The following NRG3 variants were observed in gnomAD, a reference collection of about 807,000 sequenced individuals.
The protein encoded by NRG3 is neuregulin 3, also known as pro-neuregulin-3, membrane-bound isoform.
In NRG3, 31 loss-of-function variants were observed where a neutral mutation model predicts 66.9. That is an observed-to-expected ratio of 0.46 (90% CI 0.35 to 0.63). NRG3 has a LOEUF of 0.63. Among genes scored for constraint, NRG3 ranks in the 20% least tolerant of loss-of-function variants. NRG3 has a pLI of 0.00. For synonymous variants in NRG3, 393 were observed against 359.4 expected (o/e 1.09, Z -1.06); for missense variants, 910 against 878.9 (o/e 1.04, Z -0.45).
chr10:82,131,986 A>T (rs2068857014), intron 1 of NRG3, among the ~76,000 whole-genome samples: 1 of 152,088 alleles, frequency 6.6e-6, no homozygotes, highest in African/African-American at 2.4e-5. Flanking sequence ...GCAAGCAAGG[A>T]TAATTTGATC....
intron 4 of NRG3, among the ~76,000 whole-genome samples, chr10:82,905,976 T>G (rs1844700971): frequency 6.6e-6 from 1 of 152,180 alleles, no homozygotes; most frequent in African/African-American, 2.4e-5. Flanking sequence ...CCATGTCATA[T>G]GTCAATCTAG....
chr10:82,077,941 T>G (rs1278191287), intron 1 of NRG3, among the ~76,000 whole-genome samples: 1 of 152,098 alleles, frequency 6.6e-6, no homozygotes, highest in Non-Finnish European at 1.5e-5. Flanking sequence ...TTCAGTTTCT[T>G]TAGGCGGCTT....
In NRG3 at chr10:82,572,855, A is replaced by G. The variant is rs184462727; in HGVS notation, c.954-165722A>G. On this transcript the variant is annotated intron_variant, in intron 2 of 8. Transcript: ENST00000372141. ...CATTTTGCCATGAATTATTCAGTTA[A>G]CCATGGGATGCTGTTATCTCCACTT... Among the ~76,000 whole-genome samples, 4 of 151,876 alleles carry G rather than the reference A, an allele frequency of 2.6e-5. No individual in the cohort carries two copies. The East Asian group carries it at 5.8e-4, about 22-fold the overall frequency.
intron 2 of NRG3, among the ~76,000 whole-genome samples, chr10:82,678,377 C>T (rs1220751998): frequency 6.6e-6 from 1 of 151,746 alleles, no homozygotes; most frequent in Non-Finnish European, 1.5e-5. Flanking sequence ...CTCTGGCCGG[C>T]AGGGGTGGGG....
At chr10:82,834,678 G>T (rs2062692307) in intron 3 of NRG3, among the ~76,000 whole-genome samples, 1 of 152,116 alleles carries the variant, frequency 6.6e-6, no homozygotes, top group Non-Finnish European at 1.5e-5. Flanking sequence ...CCCTCTCAGA[G>T]GTCCACTCTC....
intron 1 of NRG3, among the ~76,000 whole-genome samples, chr10:81,955,465 C>G (rs1442846953): frequency 3.9e-5 from 6 of 152,034 alleles, no homozygotes; most frequent in Non-Finnish European, 7.4e-5. Flanking sequence ...ATAGCCTTGT[C>G]AATGATGAGG....
chr10:82,963,455 T>G (rs1592108422), intron 6 of NRG3, among the ~76,000 whole-genome samples: 1 of 151,190 alleles, frequency 6.6e-6, no homozygotes, highest in Non-Finnish European at 1.5e-5. Flanking sequence ...CCGAGGCGGG[T>G]GGATCACGAG....
Position 82,197,347 on chromosome 10 carries a change from G to C in NRG3, c.824-161392G>C, listed in dbSNP as rs555714513. Among the ~76,000 whole-genome samples, 5 of 152,208 alleles carry C rather than the reference G, an allele frequency of 3.3e-5. No individual in the cohort carries two copies. The East Asian group carries it at 7.7e-4, about 24-fold the overall frequency. Reference sequence around the variant, plus strand: ...GCCCAGAGGTTAAACTTAGTTTTCTGACTGCCATTTCTATAGTACAAAGGC... The same window carrying C: ...GCCCAGAGGTTAAACTTAGTTTTCTCACTGCCATTTCTATAGTACAAAGGC... On this transcript the variant is annotated intron_variant, in intron 1 of 8. Coordinates refer to ENST00000372141, the MANE Select transcript of NRG3 (RefSeq NM_001010848.4).
At chr10:82,392,422 G>T (rs970248090) in intron 2 of NRG3, among the ~76,000 whole-genome samples, 1 of 152,176 alleles carries the variant, frequency 6.6e-6, no homozygotes, top group African/African-American at 2.4e-5. Flanking sequence ...GTAGGAAGTT[G>T]ACTTTGTGTA....
At chr10:82,652,854 G>A (rs1356465902) in intron 2 of NRG3, among the ~76,000 whole-genome samples, 1 of 152,142 alleles carries the variant, frequency 6.6e-6, no homozygotes, top group Non-Finnish European at 1.5e-5. Context: ...CCTTTCAAAT[G>A]TGTGTGAGAT....
At chr10:82,726,233 G>T (rs939635334) in intron 2 of NRG3, among the ~76,000 whole-genome samples, 1 of 152,166 alleles carries the variant, frequency 6.6e-6, no homozygotes, top group Non-Finnish European at 1.5e-5. Flanking sequence ...GATTTATACA[G>T]TAACTTTAGG....
chr10:81,940,162 T>A (rs999242299), intron 1 of NRG3, among the ~76,000 whole-genome samples: 1 of 152,168 alleles, frequency 6.6e-6, no homozygotes, highest in Non-Finnish European at 1.5e-5. Context: ...CTTAAATGTG[T>A]TAAGACTTGT....
chr10:82,656,314 T>TG (rs1359791722), intron 2 of NRG3, among the ~76,000 whole-genome samples: 1 of 149,408 alleles, frequency 6.7e-6, no homozygotes, highest in East Asian at 1.9e-4. Flanking sequence ...TTTTCTTTTT[T>TG]TTTTTTTTTT....
In NRG3 at chr10:82,209,764, T is replaced by G. The variant is rs146841537; in HGVS notation, c.824-148975T>G. Reference sequence around the variant, plus strand: ...TTTCTCAGATTTCATTTGCTCAGTTTTATACCTATTGATCTTTCATTTTAA... The same window carrying G: ...TTTCTCAGATTTCATTTGCTCAGTTGTATACCTATTGATCTTTCATTTTAA... On this transcript the variant is annotated intron_variant, in intron 1 of 8. Transcript: ENST00000372141. Among the ~76,000 whole-genome samples the G allele has an allele frequency of 7.9e-5, 12 of 152,322 alleles. No individual in the cohort carries two copies. In the East Asian group the frequency reaches 1.9e-3, roughly 24 times the overall value.
At chr10:81,939,539 TC>T (rs35985753) in intron 1 of NRG3, among the ~76,000 whole-genome samples, 1 of 152,058 alleles carries the variant, frequency 6.6e-6, no homozygotes, top group African/African-American at 2.4e-5. Flanking sequence ...CTTCTAGGTT[TC>T]CCCGTTGCTG....
At chr10:82,767,220 AC>A (rs1464918665) in intron 3 of NRG3, among the ~76,000 whole-genome samples, 6 of 151,870 alleles carry the variant, frequency 4.0e-5, no homozygotes, top group African/African-American at 1.5e-4. Context: ...CTCCTGGAGC[AC>A]CCATCTATCA....
intron 3 of NRG3, among the ~76,000 whole-genome samples, chr10:82,822,955 G>A (rs2062017947): frequency 6.6e-6 from 1 of 152,216 alleles, no homozygotes; most frequent in Admixed American, 6.5e-5. Flanking sequence ...CTAACAGGCT[G>A]ACTGCGGCTA....
intron 1 of NRG3, among the ~76,000 whole-genome samples, chr10:81,988,059 A>G (rs2060592244): frequency 6.6e-6 from 1 of 152,232 alleles, no homozygotes; most frequent in African/African-American, 2.4e-5. Context: ...TTAAAATGGC[A>G]GATTTAATAA....
At chr10:81,949,272 A>G (rs561224115) in intron 1 of NRG3, among the ~76,000 whole-genome samples, 6 of 152,326 alleles carry the variant, frequency 3.9e-5, no homozygotes, top group East Asian at 3.9e-4. Context: ...CTCTTATTAC[A>G]TATGAGAATC....
Sources: allele counts gnomAD v4.1 joint callset (sites outside exome capture counted in the v4.1 genomes callset), GRCh38; gene constraint gnomAD v4.1.1; transcripts MANE v1.5; gene names NCBI Gene and HGNC (gene_info 2026-07-23, HGNC 2026-07-21).